Variants in USP6NL observed in about 807,000 individuals in gnomAD.
USP6NL encodes USP6 N-terminal like.
USP6NL carries 26 observed loss-of-function variants against 61.9 expected under a neutral mutation model. The observed-to-expected ratio is 0.42, with a 90% CI of 0.31 to 0.58. The LOEUF (loss-of-function observed/expected upper bound fraction) is 0.58. Among genes scored for constraint, USP6NL ranks in the 20% least tolerant of loss-of-function variants. The pLI is 0.16. For synonymous variants in USP6NL, 432 were observed against 390.1 expected, an observed-to-expected ratio of 1.11 and a Z score of -1.27; for missense variants, 1,114 against 1,034.3, an observed-to-expected ratio of 1.08 and a Z score of -1.06.
At chr10:11,484,590 C>A (rs1011130043) in intron 13 of USP6NL, among the ~76,000 whole-genome samples, 15 of 152,086 alleles carry the variant, frequency 9.9e-5, no homozygotes, top group South Asian at 4.1e-4. Flanking sequence ...AACTAAGGGG[C>A]CTGGTTTCTT....
At chr10:11,504,117 T>C (rs1376616892) in intron 6 of USP6NL, among the ~76,000 whole-genome samples, 4 of 152,254 alleles carry the variant, frequency 2.6e-5, no homozygotes, top group East Asian at 3.9e-4. Context: ...AAATCACATA[T>C]AGCAGAAAAA....
chr10:11,523,263 A>C (rs571816632), intron 4 of USP6NL, among the ~76,000 whole-genome samples: 300 of 152,350 alleles, frequency 2.0e-3, no homozygotes, highest in African/African-American at 7.0e-3. Flanking sequence ...TTTTATACCT[A>C]GAAATGCTTC....
At position 11,496,433 on chromosome 10, in the gene USP6NL, T is replaced by C. The variant is rs1172113351; in HGVS notation, c.385-3205A>G. ...AAGTTTACTAAATGTCTGTCTGCAT[T>C]CTCATTTTCCAAAACTGGTAGCTGT... On this transcript the variant is annotated intron_variant, in intron 7 of 14. Coordinates refer to ENST00000609104, the MANE Select transcript of USP6NL (RefSeq NM_014688.5). The surrounding 1 kb of genome is among the most constrained non-coding windows in gnomAD (Gnocchi z 5.4). Among the ~76,000 whole-genome samples the C allele has an allele frequency of 6.6e-6, 1 of 152,224 alleles. No individual in the cohort carries two copies. Among genetic ancestry groups the C allele is most frequent in the Non-Finnish European group, 1.5e-5 (1 of 68,044 alleles).
rs1838378890 is a variant in USP6NL at position 11,597,788 on chromosome 10, G to A, written c.-83-71C>T. The A allele has an allele frequency of 1.4e-5, 8 of 552,724 alleles. No individual in the cohort carries two copies. The South Asian group carries it at 2.3e-4, about 16-fold the overall frequency. The allele number at this position is 552,724 out of a possible 1,614,324, so 34.2% of individuals were successfully genotyped here. On this transcript the variant is annotated intron_variant, in intron 1 of 14. Coordinates refer to ENST00000609104, the MANE Select transcript of USP6NL (RefSeq NM_014688.5). The surrounding 1 kb of genome is among the most constrained non-coding windows in gnomAD (Gnocchi z 4.6). The stretch of plus-strand genomic sequence containing the variant: ...ATATTTAAAATAAAGTTTTCTTAAA[G>A]AAAATCATTTTGTTTCAAAAATATT...
intron 1 of USP6NL, among the ~76,000 whole-genome samples, chr10:11,606,346 C>T (rs1212314050): frequency 6.6e-6 from 1 of 152,078 alleles, no homozygotes; most frequent in Non-Finnish European, 1.5e-5. Context: ...TGAAGAAATA[C>T]TAAATGGTAT....
Position 11,554,966 on chromosome 10 carries a change from A to ATTTTTTTTTTTTT in USP6NL, c.5-27412_5-27400dup, listed in dbSNP as rs764342021. Among the ~76,000 whole-genome samples the ATTTTTTTTTTTTT allele has an allele frequency of 8.7e-3, 968 of 111,726 alleles. 106 individuals carry two copies. In the East Asian group the frequency reaches 0.2, roughly 24 times the overall value. The allele number at this position is 111,726 out of a possible 152,430, so 73.3% of individuals were successfully genotyped here. A position where few individuals can be genotyped will look rare whatever the true frequency, so the allele number is the denominator to read the frequency against. On this transcript the variant is annotated intron_variant, in intron 2 of 14. Coordinates refer to ENST00000609104, the MANE Select transcript of USP6NL (RefSeq NM_014688.5). ...AGGTGCCTGCCACCATGCCCGGCTA[A>ATTTTTTTTTTTTT]TTTTTTTTTTTTTTTTTTTACTAGA...
At chr10:11,515,933 A>T (rs1834938094) in intron 5 of USP6NL, among the ~76,000 whole-genome samples, 2 of 152,190 alleles carry the variant, frequency 1.3e-5, no homozygotes, top group African/African-American at 4.8e-5. Flanking sequence ...TTTTTTTGAT[A>T]TAAATAGGTT....
chr10:11,478,230 G>C lies in USP6NL; in HGVS notation c.1078+3540C>G, dbSNP rs1455402487. Among the ~76,000 whole-genome samples the C allele has an allele frequency of 6.6e-6, 1 of 152,234 alleles. No individual in the cohort carries two copies. The highest frequency in any genetic ancestry group is 1.5e-5 in the Non-Finnish European group (1 of 68,048). ...GTCTCCTCTGCAGAGCCCCTGCTTA[G>C]GCTCCAACGCCAGTGGCAGCAGCGA... On this transcript the variant is annotated intron_variant, in intron 14 of 14. Coordinates refer to ENST00000609104, the MANE Select transcript of USP6NL (RefSeq NM_014688.5). The surrounding 1 kb of genome is among the most constrained non-coding windows in gnomAD (Gnocchi z 6.8).
chr10:11,516,457 A>C (rs1238551137), intron 5 of USP6NL, among the ~76,000 whole-genome samples: 2 of 152,226 alleles, frequency 1.3e-5, no homozygotes, highest in African/African-American at 4.8e-5. Context: ...AGGACTAGGC[A>C]GTCACCACAG....
rs1835534591 is a variant in USP6NL, at chr10:11,528,984, G to A, written c.5-1417C>T. On this transcript the variant is annotated intron_variant, in intron 2 of 14. Coordinates refer to ENST00000609104, the MANE Select transcript of USP6NL (RefSeq NM_014688.5). This position sits in a 1 kb window ranked among gnomAD's most constrained non-coding sequence, Gnocchi z 4.6. ...GAAGATGCATGAAGCAGCAATACTG[G>A]CATGTTACCTAGCGCAATGGAGGCA... 6.6e-6 allele frequency among the ~76,000 whole-genome samples: 1 copy of A among 152,164 alleles called. No individual in the cohort carries two copies. Among genetic ancestry groups the A allele is most frequent in the South Asian group, 2.1e-4 (1 of 4,814 alleles).
At chr10:11,505,994 T>G (rs1230349974) in intron 6 of USP6NL, among the ~76,000 whole-genome samples, 1 of 152,206 alleles carries the variant, frequency 6.6e-6, no homozygotes, top group East Asian at 1.9e-4. Flanking sequence ...CACAAGGCCC[T>G]ACTGTGTTTT....
chr10:11,493,167 T>C lies in USP6NL; in HGVS notation c.446A>G (p.Asn149Ser), dbSNP rs770558980. The stretch of plus-strand genomic sequence containing the variant: ...CATAATGTGGTCCCGAAATGTGCGG[T>C]TGACATCCAGGTCTATTTGTCTGAT... ...PDIRQIDLDV[N>S]RTFRDHIMFR... The change falls in exon 8 of 15, where the codon AAC becomes AGC. Residue 149 changes from asparagine (N) to serine (S), a missense_variant. By Grantham distance (46) the Asn-to-Ser change is conservative. Transcript: ENST00000609104. The C allele has an allele frequency of 2.5e-6, 4 of 1,612,696 alleles. No individual in the cohort carries two copies. The highest frequency in any genetic ancestry group is 1.7e-5 in the Admixed American group (1 of 59,960).
chr10:11,509,989 T>C (rs1043283088), intron 5 of USP6NL, among the ~76,000 whole-genome samples: 3 of 151,960 alleles, frequency 2.0e-5, no homozygotes, highest in Non-Finnish European at 4.4e-5. Context: ...TGAAATATTT[T>C]ACAAAGCAAC....
At position 11,482,534 on chromosome 10, in the gene USP6NL, T is replaced by C. The variant is rs764029811; in HGVS notation, c.926-612A>G. Among the ~76,000 whole-genome samples the C allele has an allele frequency of 2.0e-5, 3 of 152,252 alleles. No individual in the cohort carries two copies. The highest frequency in any genetic ancestry group is 2.9e-5 in the Non-Finnish European group (2 of 68,042). On this transcript the variant is annotated intron_variant, in intron 13 of 14. Coordinates refer to ENST00000609104, the MANE Select transcript of USP6NL (RefSeq NM_014688.5). This position sits in a 1 kb window ranked among gnomAD's most constrained non-coding sequence, Gnocchi z 4.0. The stretch of plus-strand genomic sequence containing the variant: ...AGATCCAGGTATTTACAAGTGTTTA[T>C]GTATATCAATTGAAGAATCCAAATT...
chr10:11,494,648 G>A (rs1833839602), intron 7 of USP6NL, among the ~76,000 whole-genome samples: 1 of 152,134 alleles, frequency 6.6e-6, no homozygotes, highest in South Asian at 2.1e-4. Flanking sequence ...AAGAGTGTGA[G>A]TCATCTCCAG....
At chr10:11,466,913 AGCATTCTATATGCAGTCC>A (rs1832487356) in intron 14 of USP6NL, among the ~76,000 whole-genome samples, 1 of 152,264 alleles carries the variant, frequency 6.6e-6, no homozygotes, top group African/African-American at 2.4e-5. Flanking sequence ...TCACAGGGCC[AGCATTCTATATGCAGTCC>A]ACTGTTGACC....
chr10:11,485,272 C>G lies in USP6NL; in HGVS notation c.760-38G>C, dbSNP rs1206340716. ...AGAGCTCACAATTTATGGATTGTAG[C>G]AAACTAAATTTAACAAAATAATACT... is the stretch of plus-strand genomic sequence containing the variant. On this transcript the variant is annotated intron_variant, in intron 11 of 14. Transcript: ENST00000609104. This position sits in a 1 kb window ranked among gnomAD's most constrained non-coding sequence, Gnocchi z 4.8. The G allele has an allele frequency of 2.7e-6, 4 of 1,474,566 alleles. No homozygotes were observed. In the South Asian group the frequency reaches 4.0e-5, roughly 15 times the overall value. 91.3% of individuals were successfully genotyped at this position (1,474,566 alleles called of 1,614,324 possible).
rs774656757 is a variant in USP6NL, at chr10:11,532,175, T to C, written c.5-4608A>G. 1.0e-4 allele frequency: 158 copies of C among 1,583,898 alleles called. No homozygotes were observed. The highest frequency in any genetic ancestry group is 1.3e-4 in the Non-Finnish European group (151 of 1,159,668). On this transcript the variant is annotated intron_variant, in intron 2 of 14. Transcript: ENST00000609104. The surrounding 1 kb of genome is among the most constrained non-coding windows in gnomAD (Gnocchi z 4.1). ...AACAACATCAATTTTAAAAGTACTT[T>C]ACCCTTTGTGAGATAATCAGTCTGG...
Position 11,602,861 on chromosome 10 carries a change from T to C in USP6NL, c.-83-5144A>G, listed in dbSNP as rs913726607. Among the ~76,000 whole-genome samples the C allele has an allele frequency of 1.1e-4, 16 of 152,220 alleles. No individual in the cohort carries two copies. The highest frequency in any genetic ancestry group is 2.1e-4 in the South Asian group (1 of 4,834). On this transcript the variant is annotated intron_variant, in intron 1 of 14. Transcript: ENST00000609104. This position sits in a 1 kb window ranked among gnomAD's most constrained non-coding sequence, Gnocchi z 4.8. ...TGTCATATCTTCTCATTAGAAATTA[T>C]TTCAGTTAATATTAAAGTCATTATT...
Sources: gnomAD v4.1 joint callset for allele counts (sites outside exome capture counted in the v4.1 genomes callset) on GRCh38, gnomAD v4.1.1 for gene constraint, Gnocchi (gnomAD v3.1) non-coding constraint, MANE v1.5 for transcripts, NCBI Gene and HGNC (gene_info 2026-07-23, HGNC 2026-07-21) for gene names.